KCNB2: variants seen among roughly 807,000 people sequenced by gnomAD.
KCNB2 encodes potassium voltage-gated channel subfamily B member 2.
KCNB2 carries 15 observed loss-of-function variants against 61.5 expected under a neutral mutation model. That is an observed-to-expected ratio of 0.24 (90% CI 0.16 to 0.38). The LOEUF is 0.38. KCNB2 is among the 10% of genes least tolerant of loss of function. The pLI is 1.00. For missense variants in KCNB2, 828 were observed against 1,125.2 expected, an observed-to-expected ratio of 0.74 and a Z score of 3.78; for synonymous variants, 457 against 446.0, an observed-to-expected ratio of 1.02 and a Z score of -0.31.
intron 2 of KCNB2, among the ~76,000 whole-genome samples, chr8:72,628,400 G>T (rs12677702): frequency 0.053 from 2,494 of 47,152 alleles, 32 homozygotes; most frequent in African/African-American, 0.11. Context: ...CCTGTTAGGG[G>T]GTGTGTGTGT....
chr8:72,851,816 G>T (rs1365872711), intron 2 of KCNB2, among the ~76,000 whole-genome samples: 2 of 35,498 alleles, frequency 5.6e-5, no homozygotes, highest in East Asian at 5.0e-4. Flanking sequence ...TTTTAATGTA[G>T]AAGCTGTAGG....
chr8:72,840,866 T>C (rs909820945), intron 2 of KCNB2, among the ~76,000 whole-genome samples: 1 of 152,234 alleles, frequency 6.6e-6, no homozygotes, highest in African/African-American at 2.4e-5. Flanking sequence ...CTGTTCACTC[T>C]GATGATACAT....
At chr8:72,860,126 T>G (rs928393479) in intron 2 of KCNB2, among the ~76,000 whole-genome samples, 23 of 152,336 alleles carry the variant, frequency 1.5e-4, no homozygotes, top group African/African-American at 4.8e-4. Flanking sequence ...TTTTGGCTAT[T>G]AAGGATACTG....
intron 2 of KCNB2, among the ~76,000 whole-genome samples, chr8:72,690,946 T>G (rs1806930229): frequency 6.6e-6 from 1 of 152,170 alleles, no homozygotes; most frequent in African/African-American, 2.4e-5. Flanking sequence ...GTAGAAGTCC[T>G]GAGGGTATGC....
chr8:72,746,306 G>A (rs1429683279), intron 2 of KCNB2, among the ~76,000 whole-genome samples: 2 of 149,174 alleles, frequency 1.3e-5, no homozygotes, highest in African/African-American at 5.0e-5. Context: ...ATGTTACATT[G>A]AGCAGATGAC....
intron 2 of KCNB2, among the ~76,000 whole-genome samples, chr8:72,756,725 G>C (rs577872575): frequency 6.6e-6 from 1 of 152,146 alleles, no homozygotes; most frequent in African/African-American, 2.4e-5. Context: ...CCTGCAGTAG[G>C]TCAGGTAAGA....
intron 2 of KCNB2, among the ~76,000 whole-genome samples, chr8:72,783,262 T>C (rs1808793172): frequency 1.3e-5 from 2 of 152,158 alleles, no homozygotes; most frequent in South Asian, 4.1e-4. Context: ...CATGGTGATC[T>C]TTTTAGAGCA....
intron 2 of KCNB2, among the ~76,000 whole-genome samples, chr8:72,629,037 G>A (rs1325707664): frequency 6.6e-6 from 1 of 152,184 alleles, no homozygotes; most frequent in African/African-American, 2.4e-5. Flanking sequence ...CCAATTGTTA[G>A]GAAGTGAATG....
intron 2 of KCNB2, among the ~76,000 whole-genome samples, chr8:72,575,328 C>T (rs1241366322): frequency 7.8e-6 from 1 of 128,796 alleles, no homozygotes. Context: ...TATTAATACT[C>T]ATACTATTGA....
chr8:72,910,442 G>GA (rs964710137), intron 2 of KCNB2, among the ~76,000 whole-genome samples: 1 of 151,902 alleles, frequency 6.6e-6, no homozygotes, highest in South Asian at 2.1e-4. Flanking sequence ...TAAGAGTGTA[G>GA]AAAAAAACAC....
At chr8:72,601,203 A>G (rs1405752734) in intron 2 of KCNB2, among the ~76,000 whole-genome samples, 1 of 152,212 alleles carries the variant, frequency 6.6e-6, no homozygotes, top group African/African-American at 2.4e-5. Context: ...AGGAATTGAC[A>G]TACTTGACTT....
intron 2 of KCNB2, chr8:72,661,325 T>A (rs1806377372): frequency 6.6e-6 from 1 of 152,218 alleles, no homozygotes; most frequent in African/African-American, 2.4e-5. Context: ...TCAAATACAT[T>A]TTTGACTCAG....
rs74751549 is a variant in KCNB2, at chr8:72,608,907, A to G, written c.579+40594A>G. Among the ~76,000 whole-genome samples, 458 of 152,284 alleles carry G rather than the reference A, an allele frequency of 3.0e-3. 6 individuals are homozygous for G. Among genetic ancestry groups the G allele is most frequent in the East Asian group, 0.02 (105 of 5,180 alleles). ...TCAACCATCCAAAGATCATAAAAGGATGGTTACAAGGAGGAGTTAAGATGT... is the reference window on the plus strand; with the variant it reads ...TCAACCATCCAAAGATCATAAAAGGGTGGTTACAAGGAGGAGTTAAGATGT... On this transcript the variant is annotated intron_variant, in intron 2 of 2. Coordinates refer to ENST00000523207, the MANE Select transcript of KCNB2 (RefSeq NM_004770.3).
At chr8:72,921,559 A>G (rs1225099033) in intron 2 of KCNB2, among the ~76,000 whole-genome samples, 15 of 152,350 alleles carry the variant, frequency 9.8e-5, no homozygotes. Flanking sequence ...GACTACCACT[A>G]GAGGAAGTGT....
At chr8:72,844,838 C>A (rs550845986) in intron 2 of KCNB2, among the ~76,000 whole-genome samples, 190 of 152,308 alleles carry the variant, frequency 1.2e-3, no homozygotes, top group Non-Finnish European at 2.3e-3. Flanking sequence ...AGCAATTTCT[C>A]CAACCTTTTT....
chr8:72,706,548 C>T (rs1300446201), intron 2 of KCNB2, among the ~76,000 whole-genome samples: 1 of 152,168 alleles, frequency 6.6e-6, no homozygotes, highest in African/African-American at 2.4e-5. Context: ...CCAGGTTTTT[C>T]CTCATGCATA....
intron 2 of KCNB2, among the ~76,000 whole-genome samples, chr8:72,658,873 T>C (rs1452129771): frequency 6.6e-6 from 1 of 152,228 alleles, no homozygotes; most frequent in East Asian, 1.9e-4. Flanking sequence ...AAGTACACTG[T>C]TGAGGCTCAC....
intron 2 of KCNB2, among the ~76,000 whole-genome samples, chr8:72,583,846 G>A (rs1277680105): frequency 6.7e-6 from 1 of 150,102 alleles, no homozygotes; most frequent in Non-Finnish European, 1.5e-5. Flanking sequence ...TTAAAACTGG[G>A]GTTTATGGGT....
At chr8:72,706,502 C>T (rs935177085) in intron 2 of KCNB2, among the ~76,000 whole-genome samples, 3 of 152,126 alleles carry the variant, frequency 2.0e-5, no homozygotes, top group Non-Finnish European at 4.4e-5. Flanking sequence ...TGTTTAATTT[C>T]CCCAGAAAGG....
Sources: gnomAD v4.1 joint callset for allele counts (sites outside exome capture counted in the v4.1 genomes callset) on GRCh38, gnomAD v4.1.1 for gene constraint, MANE v1.5 for transcripts, NCBI Gene and HGNC (gene_info 2026-07-23, HGNC 2026-07-21) for gene names.